ADCY8: variants seen among roughly 807,000 people sequenced by gnomAD.
The protein encoded by ADCY8 is adenylate cyclase type 8.
In ADCY8, 51 loss-of-function variants were observed where a neutral mutation model predicts 119.7. The observed-to-expected ratio is 0.43, with a 90% CI of 0.34 to 0.54. ADCY8 has a LOEUF of 0.54. Among genes scored for constraint, ADCY8 ranks in the 20% least tolerant of loss-of-function variants. The probability of loss-of-function intolerance (pLI) is 0.03; values close to 1 mark genes in which losing one functional copy is unlikely to be tolerated. For missense variants in ADCY8, 1,383 were observed against 1,598.8 expected (o/e 0.87, Z 2.30); for synonymous variants, 665 against 651.0 (o/e 1.02, Z -0.33).
At chr8:130,933,720 G>A (rs944346487) in intron 5 of ADCY8, among the ~76,000 whole-genome samples, 2 of 152,130 alleles carry the variant, frequency 1.3e-5, no homozygotes, top group African/African-American at 4.8e-5. Flanking sequence ...AAATGATCAG[G>A]AAGAATAAGG....
In ADCY8 at chr8:130,903,984, C is replaced by G; in HGVS notation, c.1699G>C (p.Glu567Gln). The G allele has an allele frequency of 6.2e-7, 1 of 1,614,170 alleles. No individual in the cohort carries two copies. Among genetic ancestry groups the G allele is most frequent in the Non-Finnish European group, 8.5e-7 (1 of 1,180,024 alleles). ...TCATTCCTCTCTTTACCATGGCCCT[C>G]TTCCACGTTATAGTCACCGTTGAGA... Reference protein sequence around the residue: ...DCLNGDYNVEEGHGKERNEFL... With the variant: ...DCLNGDYNVEQGHGKERNEFL... The change falls in exon 7 of 18, where the codon GAG (glutamate) becomes CAG (glutamine). Residue 567 changes from glutamate (E) to glutamine (Q), a missense_variant. Physicochemically the swap from Glu to Gln is conservative, Grantham distance 29. Around this residue, in one of 2 missense-constraint regions of ADCY8, gnomAD observed 928 missense variants for 1,163.5 expected, o/e 0.80. Coordinates refer to ENST00000286355, the MANE Select transcript of ADCY8 (RefSeq NM_001115.3).
At chr8:130,982,688 A>T (rs1342971502) in intron 2 of ADCY8, among the ~76,000 whole-genome samples, 2 of 152,250 alleles carry the variant, frequency 1.3e-5, no homozygotes, top group African/African-American at 4.8e-5. Context: ...TATATAATTT[A>T]AAAATTCCAT....
chr8:130,854,613 G>A (rs2130339062), intron 9 of ADCY8, among the ~76,000 whole-genome samples: 1 of 152,282 alleles, frequency 6.6e-6, no homozygotes, highest in Admixed American at 6.5e-5. Context: ...TGAAAATACT[G>A]TGACTCCAAA....
intron 8 of ADCY8, among the ~76,000 whole-genome samples, chr8:130,881,267 C>A (rs996169381): frequency 5.9e-5 from 9 of 152,160 alleles, no homozygotes; most frequent in Admixed American, 3.9e-4. Context: ...TTATGCAATA[C>A]CATGAATTAT....
At chr8:130,817,198 CTG>C (rs1816374474) in intron 13 of ADCY8, among the ~76,000 whole-genome samples, 1 of 152,148 alleles carries the variant, frequency 6.6e-6, no homozygotes, top group Non-Finnish European at 1.5e-5. Flanking sequence ...GTCATTAAAA[CTG>C]GAATTTTGGG....
rs1253365279 is a variant in ADCY8 at position 130,838,668 on chromosome 8, GA to G, written c.2503-2220del. Among the ~76,000 whole-genome samples, 8 of 141,082 alleles carry G rather than the reference GA, an allele frequency of 5.7e-5. 2 individuals carry two copies. Among genetic ancestry groups the G allele is most frequent in the Admixed American group, 3.6e-4 (5 of 13,986 alleles). The allele number at this position is 141,082 out of a possible 152,430, so 92.6% of individuals were successfully genotyped here. ...AGCCATTGAAATGATTGTGTCCTTG[GA>G]ACAAAAACTTATGTGGTCACAACAG... On this transcript the variant is annotated intron_variant, in intron 11 of 17. Transcript: ENST00000286355.
At chr8:130,993,177 A>G (rs946809094) in intron 1 of ADCY8, among the ~76,000 whole-genome samples, 4 of 152,190 alleles carry the variant, frequency 2.6e-5, no homozygotes, top group Non-Finnish European at 5.9e-5. Flanking sequence ...CAGACTAAAG[A>G]TAATTTTTTG....
intron 7 of ADCY8, among the ~76,000 whole-genome samples, chr8:130,898,927 A>T (rs150169953): frequency 1.4e-4 from 22 of 152,348 alleles, no homozygotes; most frequent in African/African-American, 4.8e-4. Context: ...TTGAGATCAC[A>T]TCACTGCCCC....
chr8:130,800,102 G>A (rs1815724215), intron 15 of ADCY8, among the ~76,000 whole-genome samples: 2 of 152,108 alleles, frequency 1.3e-5, no homozygotes, highest in African/African-American at 4.8e-5. Context: ...CAGCCTCTGT[G>A]GTGTCAGTGC....
chr8:130,978,745 T>A (rs1822149105), intron 2 of ADCY8, among the ~76,000 whole-genome samples: 1 of 152,232 alleles, frequency 6.6e-6, no homozygotes, highest in Non-Finnish European at 1.5e-5. Flanking sequence ...TGTTTTTAAT[T>A]CCGGCACCTA....
At chr8:130,905,929 T>C (rs1201233570) in intron 6 of ADCY8, among the ~76,000 whole-genome samples, 1 of 152,202 alleles carries the variant, frequency 6.6e-6, no homozygotes, top group Non-Finnish European at 1.5e-5. Flanking sequence ...TGCTACTCCC[T>C]CTCATCCTTC....
intron 12 of ADCY8, among the ~76,000 whole-genome samples, chr8:130,828,808 T>G (rs1426127710): frequency 6.6e-6 from 1 of 152,220 alleles, no homozygotes; most frequent in African/African-American, 2.4e-5. Flanking sequence ...AGAATGGTAC[T>G]TACTTAGTAA....
intron 13 of ADCY8, among the ~76,000 whole-genome samples, chr8:130,821,022 A>T (rs7812586): frequency 1.3e-5 from 2 of 152,144 alleles, no homozygotes; most frequent in Non-Finnish European, 2.9e-5. Flanking sequence ...ATAGCACACA[A>T]CTTTTGTAGT....
At chr8:130,802,211 T>A (rs866686667) in intron 14 of ADCY8, among the ~76,000 whole-genome samples, 1 of 152,208 alleles carries the variant, frequency 6.6e-6, no homozygotes, top group Non-Finnish European at 1.5e-5. Flanking sequence ...GGCACCAGCA[T>A]TGCCAAATCA....
chr8:130,936,056 G>A (rs1453762715), intron 5 of ADCY8, among the ~76,000 whole-genome samples: 1 of 148,478 alleles, frequency 6.7e-6, no homozygotes, highest in African/African-American at 2.5e-5. Context: ...GAGGGTGTTA[G>A]TCACCCAAGC....
intron 7 of ADCY8, among the ~76,000 whole-genome samples, chr8:130,890,311 T>G (rs1031914358): frequency 6.6e-6 from 1 of 152,082 alleles, no homozygotes; most frequent in African/African-American, 2.4e-5. Flanking sequence ...GTAACTAACC[T>G]GCACGTTGTG....
Position 131,040,311 on chromosome 8 carries a change from C to T in ADCY8, c.23G>A (p.Cys8Tyr), listed in dbSNP as rs779554799. The T allele has an allele frequency of 2.6e-6, 4 of 1,537,612 alleles. No homozygotes were observed. In the Admixed American group the frequency reaches 6.2e-5, roughly 24 times the overall value. ...GTAGAGTTCCTCGCTGCCTGTAAGGCAGCGCACATCGGAGAGCTCCATGGC... is the reference window on the plus strand; with the variant it reads ...GTAGAGTTCCTCGCTGCCTGTAAGGTAGCGCACATCGGAGAGCTCCATGGC... MELSDVRCLTGSEELYTI... is the reference protein window; with the variant it reads MELSDVRYLTGSEELYTI... The change falls in exon 1 of 18, where the codon TGC becomes TAC. Residue 8 changes from cysteine to tyrosine, a missense_variant. Cys to Tyr is a radical substitution (Grantham distance 194, BLOSUM62 -2). Around this residue, in one of 2 missense-constraint regions of ADCY8, gnomAD observed 455 missense variants for 435.3 expected, o/e 1.05. Coordinates refer to ENST00000286355, the MANE Select transcript of ADCY8 (RefSeq NM_001115.3).
intron 15 of ADCY8, among the ~76,000 whole-genome samples, chr8:130,798,882 AC>A (rs1815674388): frequency 6.6e-6 from 1 of 152,120 alleles, no homozygotes; most frequent in Non-Finnish European, 1.5e-5. Flanking sequence ...AAACACACAC[AC>A]ACGCATGCAC....
In ADCY8 at chr8:130,910,499, C is replaced by A. The variant is rs955517608; in HGVS notation, c.1482-633G>T. On this transcript the variant is annotated intron_variant, in intron 5 of 17. Transcript: ENST00000286355. ...CAGCCCATACTGTCATGGTTTCCAGCTGCTCCTTCTAAACACAAATGTGAC... is the reference window on the plus strand; with the variant it reads ...CAGCCCATACTGTCATGGTTTCCAGATGCTCCTTCTAAACACAAATGTGAC... Among the ~76,000 whole-genome samples the A allele has an allele frequency of 5.9e-5, 9 of 152,226 alleles. No homozygotes were observed. In the East Asian group the frequency reaches 1.2e-3, roughly 20 times the overall value.
Sources: gnomAD v4.1 joint callset for allele counts (sites outside exome capture counted in the v4.1 genomes callset) on GRCh38, gnomAD v4.1.1 for gene constraint, gnomAD v4.1.1 regional missense constraint, MANE v1.5 for transcripts, NCBI Gene and HGNC (gene_info 2026-07-23, HGNC 2026-07-21) for gene names.